NECTIN3: variants seen among roughly 807,000 people sequenced by gnomAD.
NECTIN3 encodes nectin cell adhesion molecule 3, also known as nectin-3.
A neutral mutation model predicts 49.4 loss-of-function variants in NECTIN3; 8 were observed. The observed-to-expected ratio is 0.16, with a 90% CI of 0.10 to 0.29. The LOEUF (loss-of-function observed/expected upper bound fraction) is 0.29, where lower values mean the gene tolerates loss of function less well. Among genes scored for constraint, NECTIN3 ranks in the 10% least tolerant of loss-of-function variants. The pLI, the probability that NECTIN3 is intolerant of heterozygous loss-of-function variation, is 1.00. For synonymous variants in NECTIN3, 277 were observed against 241.1 expected (o/e 1.15, Z -1.38); for missense variants, 581 against 654.6 (o/e 0.89, Z 1.23).
intron 1 of NECTIN3, among the ~76,000 whole-genome samples, chr3:111,087,536 C>T (rs1303350228): frequency 2.0e-5 from 3 of 151,858 alleles, no homozygotes; most frequent in African/African-American, 4.8e-5. Flanking sequence ...ACCTGTAATC[C>T]CAGCTGCTTG....
At chr3:111,168,139 T>C (rs1409197525) in intron 7 of NECTIN3, among the ~76,000 whole-genome samples, 1 of 152,160 alleles carries the variant, frequency 6.6e-6, no homozygotes, top group Non-Finnish European at 1.5e-5. Flanking sequence ...ACTCAACTTG[T>C]AGTAACCTTG....
chr3:111,116,847 T>C (rs2107459070), intron 2 of NECTIN3, among the ~76,000 whole-genome samples: 1 of 152,174 alleles, frequency 6.6e-6, no homozygotes, highest in Admixed American at 6.5e-5. Context: ...TGTGATAATA[T>C]CAGCTGGGTG....
rs1471809858 is a variant in NECTIN3 at position 111,142,764 on chromosome 3, CAAAG to C, written c.1001-2133_1001-2130del. On this transcript the variant is annotated intron_variant, in intron 5 of 8. Coordinates refer to the NECTIN3 transcript ENST00000493615. ...TTGAGAATCTTAATTTAGCCCCACT[CAAAG>C]AGTAACATGAACTTTTCAAAAGTAT... 2.6e-5 allele frequency among the ~76,000 whole-genome samples: 4 copies of C among 151,616 alleles called. No homozygotes were observed. In the East Asian group the frequency reaches 7.7e-4, roughly 29 times the overall value.
chr3:111,118,248 C>CTATATATATATATA (rs34878535), intron 2 of NECTIN3, among the ~76,000 whole-genome samples: 1,631 of 77,744 alleles, frequency 0.021, 79 homozygotes, highest in Middle Eastern at 0.031. Context: ...TAAAATGAAG[C>CTATATATATATATA]TATATATATA....
intron 2 of NECTIN3, among the ~76,000 whole-genome samples, chr3:111,115,769 A>G (rs547907866): frequency 6.6e-6 from 1 of 152,346 alleles, no homozygotes; most frequent in African/African-American, 2.4e-5. Context: ...ACTTGCAATT[A>G]ATTTTGTAAT....
chr3:111,185,142 T>A (rs2035695160), intron 7 of NECTIN3, among the ~76,000 whole-genome samples: 1 of 152,208 alleles, frequency 6.6e-6, no homozygotes, highest in South Asian at 2.1e-4. Context: ...GAGCTTTTTT[T>A]ATGTGTGTCT....
At chr3:111,192,643 G>T (rs558806523) in intron 1 of NECTIN3, among the ~76,000 whole-genome samples, 2 of 152,268 alleles carry the variant, frequency 1.3e-5, no homozygotes, top group African/African-American at 4.8e-5. Context: ...ATCATGGGGG[G>T]TTCATTTTAT....
chr3:111,072,572 A>T (rs1033032988), intron 1 of NECTIN3: 71 of 1,535,282 alleles, frequency 4.6e-5, no homozygotes, highest in Non-Finnish European at 5.8e-5. Flanking sequence ...TTGAGCTGTG[A>T]GCCCAGAAAC....
rs145899876 is a variant in NECTIN3, at chr3:111,126,437, G to C, written c.1069+102G>C. On this transcript the variant is annotated intron_variant, in intron 5 of 5. Coordinates refer to ENST00000485303, the MANE Select transcript of NECTIN3 (RefSeq NM_015480.3). Reference sequence around the variant, plus strand: ...AATAATTTGTACTTGTAAAGATACAGATTCCTCAGTGTGAAGTTTTTCCAA... The same window carrying C: ...AATAATTTGTACTTGTAAAGATACACATTCCTCAGTGTGAAGTTTTTCCAA... 3.0e-6 allele frequency: 3 copies of C among 1,002,772 alleles called. No individual in the cohort carries two copies. In the African/African-American group the frequency reaches 5.1e-5, roughly 17 times the overall value. 62.1% of individuals were successfully genotyped at this position (1,002,772 alleles called of 1,614,324 possible).
chr3:111,103,952 A>G (rs1382995564), intron 1 of NECTIN3, among the ~76,000 whole-genome samples: 1 of 152,194 alleles, frequency 6.6e-6, no homozygotes, highest in East Asian at 1.9e-4. Context: ...TGGGTGTACA[A>G]ATAAAGCCAC....
At chr3:111,112,541 T>G (rs2033516655) in intron 2 of NECTIN3, among the ~76,000 whole-genome samples, 170 bp downstream of exon 2, 1 of 152,204 alleles carries the variant, frequency 6.6e-6, no homozygotes, top group South Asian at 2.1e-4. Context: ...AGGTTCCCTG[T>G]AAATAAAATC....
intron 7 of NECTIN3, among the ~76,000 whole-genome samples, chr3:111,179,978 A>G (rs1188719193): frequency 6.6e-6 from 1 of 152,166 alleles, no homozygotes; most frequent in African/African-American, 2.4e-5. Context: ...AACTGATTGT[A>G]GATATTAGAG....
intron 1 of NECTIN3, among the ~76,000 whole-genome samples, chr3:111,194,030 CT>C (rs2035863001): frequency 6.6e-6 from 1 of 152,148 alleles, no homozygotes; most frequent in Non-Finnish European, 1.5e-5. Context: ...ATACATATCT[CT>C]TGCTGTTTTC....
chr3:111,128,437 A>G (rs774582283), intron 5 of NECTIN3, among the ~76,000 whole-genome samples: 11 of 152,086 alleles, frequency 7.2e-5, no homozygotes, highest in Non-Finnish European at 1.3e-4. Context: ...TTCTGAGTGC[A>G]GTGTTCAGTA....
chr3:111,117,872 CATT>C (rs1039924539), intron 2 of NECTIN3, among the ~76,000 whole-genome samples: 1 of 152,042 alleles, frequency 6.6e-6, no homozygotes, highest in African/African-American at 2.4e-5. Context: ...GAGGTTCTAA[CATT>C]GTTACTTTAC....
At chr3:111,172,911 A>G (rs2035460474) in intron 7 of NECTIN3, among the ~76,000 whole-genome samples, 1 of 152,192 alleles carries the variant, frequency 6.6e-6, no homozygotes, top group Non-Finnish European at 1.5e-5. Flanking sequence ...AAATCATTCC[A>G]AGCTGCTTTG....
intron 4 of NECTIN3, among the ~76,000 whole-genome samples, chr3:111,124,634 T>G (rs2034086754): frequency 6.6e-6 from 1 of 152,226 alleles, no homozygotes; most frequent in African/African-American, 2.4e-5. Context: ...CATATTATCT[T>G]TATCCTTCAG....
chr3:111,081,603 T>A (rs1490986478), intron 1 of NECTIN3, among the ~76,000 whole-genome samples: 1 of 152,316 alleles, frequency 6.6e-6, no homozygotes, highest in Admixed American at 6.5e-5. Flanking sequence ...TGACTTGTCT[T>A]ATGTGAGAAA....
At chr3:111,158,547 T>C (rs547234954) in intron 7 of NECTIN3, among the ~76,000 whole-genome samples, 1 of 152,288 alleles carries the variant, frequency 6.6e-6, no homozygotes, top group Admixed American at 6.5e-5. Flanking sequence ...ATAGTAGCTT[T>C]ACTTTTAAGT....
Sources: gnomAD v4.1 joint callset for allele counts (sites outside exome capture counted in the v4.1 genomes callset) on GRCh38, gnomAD v4.1.1 for gene constraint, MANE v1.5 for transcripts, NCBI Gene and HGNC (gene_info 2026-07-23, HGNC 2026-07-21) for gene names.